The following CTNNA3 variants were observed in gnomAD, a reference collection of about 807,000 sequenced individuals.
The protein encoded by CTNNA3 is catenin alpha 3.
In CTNNA3, 76 loss-of-function variants were observed where a neutral mutation model predicts 95.7. The observed-to-expected ratio is 0.79, with a 90% CI of 0.66 to 0.96. The LOEUF is 0.96. Ranked by LOEUF, CTNNA3 falls within the 40% of genes least tolerant of loss-of-function variation. The pLI, the probability that CTNNA3 is intolerant of heterozygous loss-of-function variation, is 0.00. For synonymous variants in CTNNA3, 431 were observed against 374.4 expected (o/e 1.15, Z -1.74); for missense variants, 1,191 against 1,089.8 (o/e 1.09, Z -1.31).
intron 2 of CTNNA3, among the ~76,000 whole-genome samples, chr10:67,609,163 T>C (rs1328568907): frequency 1.3e-5 from 2 of 150,616 alleles, no homozygotes; most frequent in Non-Finnish European, 2.9e-5. Context: ...TTGGATTAAA[T>C]TTTTATAAAC....
intron 9 of CTNNA3, among the ~76,000 whole-genome samples, chr10:66,754,222 C>T (rs893972988): frequency 6.6e-6 from 1 of 151,960 alleles, no homozygotes; most frequent in African/African-American, 2.4e-5. Context: ...TGAAATAAAC[C>T]CTCACATTTA....
intron 10 of CTNNA3, among the ~76,000 whole-genome samples, chr10:66,550,328 T>G (rs2132105451): frequency 6.6e-6 from 1 of 152,334 alleles, no homozygotes; most frequent in East Asian, 1.9e-4. Context: ...GATCTGTATC[T>G]TTATACTTGA....
At chr10:67,183,513 G>C (rs1202415601) in intron 6 of CTNNA3, among the ~76,000 whole-genome samples, 1 of 151,844 alleles carries the variant, frequency 6.6e-6, no homozygotes, top group Non-Finnish European at 1.5e-5. Flanking sequence ...CACAGGAAGG[G>C]GAACATCACA....
At chr10:67,676,876 G>T (rs1048804771) in intron 1 of CTNNA3, among the ~76,000 whole-genome samples, 3 of 152,110 alleles carry the variant, frequency 2.0e-5, no homozygotes, top group African/African-American at 7.2e-5. Flanking sequence ...TTACACATGT[G>T]CCAGAAACAA....
At chr10:66,261,097 T>C (rs2090980483) in intron 13 of CTNNA3, among the ~76,000 whole-genome samples, 1 of 152,106 alleles carries the variant, frequency 6.6e-6, no homozygotes, top group South Asian at 2.1e-4. Context: ...GTATGTGAAG[T>C]TCCTGTCAGG....
chr10:66,655,777 C>A (rs2394270), intron 9 of CTNNA3, among the ~76,000 whole-genome samples: 8 of 151,688 alleles, frequency 5.3e-5, no homozygotes, highest in Non-Finnish European at 2.9e-5. Context: ...AGAAGAATTG[C>A]CAAAGAGCAT....
chr10:67,660,699 G>A (rs1003685115), intron 1 of CTNNA3, among the ~76,000 whole-genome samples: 1 of 152,044 alleles, frequency 6.6e-6, no homozygotes, highest in Non-Finnish European at 1.5e-5. Flanking sequence ...TTGGGAGGCC[G>A]AGGCGGTGGA....
chr10:67,482,089 T>G (rs1054957984), intron 5 of CTNNA3, among the ~76,000 whole-genome samples: 1 of 152,072 alleles, frequency 6.6e-6, no homozygotes, highest in African/African-American at 2.4e-5. Context: ...GAGGGCTCTG[T>G]TCTGTTCCAT....
intron 13 of CTNNA3, among the ~76,000 whole-genome samples, chr10:66,184,226 G>C (rs1007957121): frequency 6.6e-6 from 1 of 152,150 alleles, no homozygotes; most frequent in Non-Finnish European, 1.5e-5. Context: ...TTGAACCTGG[G>C]AGGCAGAGGT....
chr10:66,000,629 C>T (rs1393353737), intron 15 of CTNNA3, among the ~76,000 whole-genome samples: 1 of 152,030 alleles, frequency 6.6e-6, no homozygotes, highest in Non-Finnish European at 1.5e-5. Context: ...AGTCCCATAA[C>T]ATAGCGGTTG....
intron 7 of CTNNA3, among the ~76,000 whole-genome samples, chr10:67,174,149 C>T (rs555190147): frequency 6.6e-6 from 1 of 152,248 alleles, no homozygotes; most frequent in South Asian, 2.1e-4. Flanking sequence ...TGCTCTGGCT[C>T]TATCTGATTA....
chr10:66,978,916 C>T (rs1046536316), intron 7 of CTNNA3, among the ~76,000 whole-genome samples: 2 of 149,236 alleles, frequency 1.3e-5, no homozygotes, highest in African/African-American at 2.5e-5. Context: ...TCTTGACTAG[C>T]GACAAGTCCC....
chr10:66,313,575 T>C (rs1421452124), intron 12 of CTNNA3, among the ~76,000 whole-genome samples: 3 of 152,202 alleles, frequency 2.0e-5, no homozygotes. Context: ...ATCCTAAATG[T>C]CATCCACTCT....
At chr10:67,732,571 C>T (rs1841281771) in intron 1 of CTNNA3, among the ~76,000 whole-genome samples, 1 of 152,148 alleles carries the variant, frequency 6.6e-6, no homozygotes, top group African/African-American at 2.4e-5. Context: ...CATAACCCTT[C>T]ATTTCAGAGC....
At chr10:67,720,129 C>CTTGTTTTTTTTTTTTTTTTTTTT (rs1841170804) in intron 1 of CTNNA3, among the ~76,000 whole-genome samples, 1 of 6,614 alleles carries the variant, frequency 1.5e-4, no homozygotes, top group Non-Finnish European at 3.6e-4. Context: ...GCAACCCCTG[C>CTTGTTTTTTTTTTTTTTTTTTTT]TTTTTTTTTT....
At chr10:67,621,176 A>C (rs1434133225) in intron 2 of CTNNA3, among the ~76,000 whole-genome samples, 1 of 152,132 alleles carries the variant, frequency 6.6e-6, no homozygotes, top group East Asian at 1.9e-4. Flanking sequence ...GGTTTTGTGT[A>C]AGGCCTGGGC....
chr10:67,259,839 C>A lies in CTNNA3; in HGVS notation c.580-39969G>T, dbSNP rs563517613. ...GAAGTAGCTTCATAAGTAGCACAGG[C>A]AGTTTCCTGTAAAGTGTAATTGGGA... On this transcript the variant is annotated intron_variant, in intron 5 of 17. Transcript: ENST00000433211. Among the ~76,000 whole-genome samples, 332 of 152,246 alleles carry A rather than the reference C, an allele frequency of 2.2e-3. 3 individuals are homozygous for A. The highest frequency in any genetic ancestry group is 7.6e-3 in the African/African-American group (316 of 41,544).
chr10:65,980,446 G>A (rs2078294650), intron 16 of CTNNA3, among the ~76,000 whole-genome samples: 1 of 151,034 alleles, frequency 6.6e-6, no homozygotes, highest in Non-Finnish European at 1.5e-5. Context: ...TATTCCACAG[G>A]ATAGAGAAAG....
At chr10:67,745,291 A>C (rs928983600) in intron 1 of CTNNA3, among the ~76,000 whole-genome samples, 2 of 152,154 alleles carry the variant, frequency 1.3e-5, no homozygotes, top group African/African-American at 4.8e-5. Context: ...TGGATTAAGA[A>C]AATTTGGCAC....
Sources: gnomAD v4.1 joint callset for allele counts (sites outside exome capture counted in the v4.1 genomes callset) on GRCh38, gnomAD v4.1.1 for gene constraint, MANE v1.5 for transcripts, NCBI Gene and HGNC (gene_info 2026-07-23, HGNC 2026-07-21) for gene names.